The following STARD9 variants were observed in gnomAD, a reference collection of about 807,000 sequenced individuals.
STARD9 encodes the protein StAR related lipid transfer domain containing 9.
A neutral mutation model predicts 399.8 loss-of-function variants in STARD9; 346 were observed. That is an observed-to-expected ratio of 0.87 (90% CI 0.79 to 0.95). The LOEUF is 0.95. Ranked by LOEUF, STARD9 falls within the 40% of genes least tolerant of loss-of-function variation. The pLI is 0.00. For missense variants in STARD9, 5,832 were observed against 5,667.5 expected (o/e 1.03, Z -0.93); for synonymous variants, 2,203 against 2,143.5 (o/e 1.03, Z -0.77).
At chr15:42,712,081 T>TATATATATATA (rs57090140) in intron 26 of STARD9, among the ~76,000 whole-genome samples, 1 of 39,130 alleles carries the variant, frequency 2.6e-5, no homozygotes, top group African/African-American at 3.2e-4. Flanking sequence ...TATATATATA[T>TATATATATATA]TATATATATA....
chr15:42,687,628 C>T lies in STARD9; in HGVS notation c.6050C>T (p.Pro2017Leu). 1 of 1,537,036 alleles carries T rather than the reference C, an allele frequency of 6.5e-7. No individual in the cohort carries two copies. Among genetic ancestry groups the T allele is most frequent in the Non-Finnish European group, 8.7e-7 (1 of 1,146,906 alleles). ...GTTGCATGCCCTCAGGAAAGAAACC[C>T]CAGTGAATGCAAGTCACAAGAAATG... is the stretch of plus-strand genomic sequence containing the variant. The part of the protein sequence containing the change: ...QLVACPQERN[P>L]SECKSQEMLN... Residue 2017 changes from proline (P) to leucine (L), a missense_variant, in exon 23 of 33, where the codon CCC (proline) becomes CTC (leucine). Transcript: ENST00000290607.
chr15:42,680,020 A>C (rs1293441846), intron 20 of STARD9, among the ~76,000 whole-genome samples: 1 of 152,198 alleles, frequency 6.6e-6, no homozygotes, highest in African/African-American at 2.4e-5. Flanking sequence ...GGGGAAGGCT[A>C]GATAAAGCAG....
intron 3 of STARD9, among the ~76,000 whole-genome samples, chr15:42,606,638 T>TC (rs1161801234): frequency 6.6e-6 from 1 of 151,254 alleles, no homozygotes; most frequent in Non-Finnish European, 1.5e-5. Context: ...GTATTTTTTT[T>TC]TTTTTTTAAG....
intron 25 of STARD9, among the ~76,000 whole-genome samples, 189 bp from the exon 26 acceptor site, chr15:42,695,554 G>A (rs2060824770): frequency 6.6e-6 from 1 of 152,236 alleles, no homozygotes; most frequent in Non-Finnish European, 1.5e-5. Context: ...TGCAGGGTGT[G>A]GGGAAATACG....
chr15:42,614,601 G>C (rs938906983), intron 3 of STARD9, among the ~76,000 whole-genome samples: 7 of 152,136 alleles, frequency 4.6e-5, no homozygotes, highest in African/African-American at 1.7e-4. Flanking sequence ...AAAGCCATCT[G>C]GCAATATGTA....
Position 42,687,888 on chromosome 15 carries a change from T to C in STARD9, c.6310T>C (p.Ser2104Pro). The C allele has an allele frequency of 1.3e-6, 2 of 1,537,178 alleles. No individual in the cohort carries two copies. The highest frequency in any genetic ancestry group is 1.7e-6 in the Non-Finnish European group (2 of 1,146,932). Residue 2104 changes from serine to proline, a missense_variant, in exon 23 of 33, where the codon TCT (serine) becomes CCT (proline). Transcript: ENST00000290607. The part of the protein sequence containing the change: ...KTDHAFRPDS[S>P]GNPLPSKDQP... ...TGACCATGCCTTTAGGCCAGACAGC[T>C]CTGGAAACCCTTTGCCCTCTAAGGA...
At chr15:42,700,231 G>A (rs2060936784) in intron 26 of STARD9, among the ~76,000 whole-genome samples, 1 of 152,188 alleles carries the variant, frequency 6.6e-6, no homozygotes, top group South Asian at 2.1e-4. Flanking sequence ...GAGTAGTGCT[G>A]CAATAAATAT....
At position 42,633,783 on chromosome 15, in the gene STARD9, T is replaced by C. The variant is rs2059373517; in HGVS notation, c.235-1073T>C. 2.0e-5 allele frequency among the ~76,000 whole-genome samples: 3 copies of C among 151,960 alleles called. No individual in the cohort carries two copies. In the South Asian group the frequency reaches 6.2e-4, roughly 32 times the overall value. The stretch of plus-strand genomic sequence containing the variant: ...TCCGCTTCCCAAGTAGCTGGGATTA[T>C]AGGTGCCCGCCACCATGCCTGGGTA... On this transcript the variant is annotated intron_variant, in intron 3 of 32. Transcript: ENST00000290607.
chr15:42,609,879 G>A (rs555643146), intron 3 of STARD9, among the ~76,000 whole-genome samples: 1 of 152,140 alleles, frequency 6.6e-6, no homozygotes, highest in South Asian at 2.1e-4. Flanking sequence ...GATCACTTGA[G>A]GTCAGGAGTT....
At chr15:42,662,318 A>G (rs1595727407) in intron 10 of STARD9, among the ~76,000 whole-genome samples, 1 of 152,232 alleles carries the variant, frequency 6.6e-6, no homozygotes. Flanking sequence ...ATGGTACAGT[A>G]TTCCCTTAAG....
intron 3 of STARD9, among the ~76,000 whole-genome samples, chr15:42,633,623 T>G (rs992958584): frequency 1.3e-5 from 2 of 151,828 alleles, no homozygotes; most frequent in Admixed American, 6.6e-5. Context: ...GACATCTAGT[T>G]GTCCGGCCCC....
At chr15:42,698,154 T>C (rs193028695) in intron 26 of STARD9, among the ~76,000 whole-genome samples, 1 of 152,340 alleles carries the variant, frequency 6.6e-6, no homozygotes, top group East Asian at 1.9e-4. Context: ...GTATTCTAAC[T>C]TGGGTTGCTT....
chr15:42,692,387 G>A lies in STARD9; in HGVS notation c.10809G>A (p.Lys3603=), dbSNP rs1198637268. 2.6e-6 allele frequency: 4 copies of A among 1,536,996 alleles called. No homozygotes were observed. The highest frequency in any genetic ancestry group is 1.2e-5 in the South Asian group (1 of 84,068). Residue 3603 remains lysine, a synonymous_variant, in exon 23 of 33, where the codon AAG becomes AAA. Transcript: ENST00000290607. ...PSGEADCLRS[K]PPLAKGSAAG... ...GTGAAGCAGACTGTCTGAGGAGTAA[G>A]CCCCCCTTGGCCAAAGGAAGTGCTG...
chr15:42,640,976 A>T (rs1281750271), intron 7 of STARD9, among the ~76,000 whole-genome samples: 1 of 152,218 alleles, frequency 6.6e-6, no homozygotes, highest in Non-Finnish European at 1.5e-5. Context: ...GAGTTGGGAC[A>T]GAATTGAAAC....
rs1356975840 is a variant in STARD9 at position 42,682,500 on chromosome 15, G to C, written c.2462G>C (p.Cys821Ser). 6.5e-7 allele frequency: 1 copy of C among 1,537,070 alleles called. No homozygotes were observed. The highest frequency in any genetic ancestry group is 2.0e-5 in the Admixed American group (1 of 50,984). ...GATGCCACAGTCCCACGGCCTCCAT[G>C]TAGAAGCAAATTGACGAGTTGCAGT... ...SPDATVPRPPCRSKLTSCSSL... is the reference protein window; with the variant it reads ...SPDATVPRPPSRSKLTSCSSL... The change falls in exon 22 of 33, where the codon TGT becomes TCT. Residue 821 changes from cysteine (C) to serine (S), a missense_variant. Transcript: ENST00000290607.
chr15:42,711,810 A>T (rs1329183498), intron 26 of STARD9, among the ~76,000 whole-genome samples: 1 of 150,912 alleles, frequency 6.6e-6, no homozygotes, highest in Admixed American at 6.6e-5. Context: ...TTTTGTATGG[A>T]TATGTTTTCA....
chr15:42,577,723 G>A (rs1296940007), intron 1 of STARD9, among the ~76,000 whole-genome samples: 1 of 152,174 alleles, frequency 6.6e-6, no homozygotes, highest in African/African-American at 2.4e-5. Flanking sequence ...CAAGAGGTCC[G>A]GATCACTTCC....
intron 7 of STARD9, among the ~76,000 whole-genome samples, chr15:42,644,600 T>G (rs1197697806): frequency 6.6e-6 from 1 of 152,294 alleles, no homozygotes; most frequent in Admixed American, 6.5e-5. Context: ...TGGTGCAGGA[T>G]TTTTTCTTAG....
chr15:42,629,210 A>C (rs2059282882), intron 3 of STARD9, among the ~76,000 whole-genome samples: 1 of 151,990 alleles, frequency 6.6e-6, no homozygotes, highest in Non-Finnish European at 1.5e-5. Flanking sequence ...TTGTAGAGAC[A>C]AGGTCTCACC....
Sources: gnomAD v4.1 joint callset for allele counts (sites outside exome capture counted in the v4.1 genomes callset) on GRCh38, gnomAD v4.1.1 for gene constraint, MANE v1.5 for transcripts, NCBI Gene and HGNC (gene_info 2026-07-23, HGNC 2026-07-21) for gene names.